Variants in MAPK9 observed in about 807,000 individuals in gnomAD.
MAPK9 encodes mitogen-activated protein kinase 9, also known as Jun kinase.
A neutral mutation model predicts 57.1 loss-of-function variants in MAPK9; 30 were observed. That is an observed-to-expected ratio of 0.53 (90% CI 0.39 to 0.71). The LOEUF (loss-of-function observed/expected upper bound fraction) is 0.71, where lower values mean the gene tolerates loss of function less well. Among genes scored for constraint, MAPK9 ranks in the 30% least tolerant of loss-of-function variants. MAPK9 has a pLI of 0.00. For missense variants in MAPK9, 362 were observed against 521.0 expected, an observed-to-expected ratio of 0.69 and a Z score of 2.97; for synonymous variants, 155 against 177.0, an observed-to-expected ratio of 0.88 and a Z score of 0.99.
chr5:180,250,391 G>A (rs1350683551), intron 5 of MAPK9, among the ~76,000 whole-genome samples: 2 of 152,170 alleles, frequency 1.3e-5, no homozygotes, highest in African/African-American at 4.8e-5. Flanking sequence ...TTGAGAAACT[G>A]TGACTTGTAA....
intron 1 of MAPK9, among the ~76,000 whole-genome samples, chr5:180,288,094 TAAG>T (rs1235628155): frequency 6.6e-6 from 1 of 152,164 alleles, no homozygotes; most frequent in Non-Finnish European, 1.5e-5. Context: ...TACCTCTAGA[TAAG>T]AAGTGCACAG....
chr5:180,242,350 T>C (rs900237331), intron 8 of MAPK9, among the ~76,000 whole-genome samples: 2 of 152,212 alleles, frequency 1.3e-5, no homozygotes, highest in African/African-American at 4.8e-5. Context: ...TTCAGACTGA[T>C]TTGATTATTT....
intron 1 of MAPK9, among the ~76,000 whole-genome samples, chr5:180,291,245 C>CGGAA (rs1440031716): frequency 1.3e-5 from 2 of 149,344 alleles, no homozygotes; most frequent in Admixed American, 1.3e-4. Flanking sequence ...GCTGGGTCCC[C>CGGAA]TCTGGCACTG....
At chr5:180,288,573 G>A (rs895020791) in intron 1 of MAPK9, among the ~76,000 whole-genome samples, 16 of 152,260 alleles carry the variant, frequency 1.1e-4, no homozygotes, top group African/African-American at 2.6e-4. Context: ...GGTTGTGCCC[G>A]TATGTTTTAC....
chr5:180,236,228 G>T lies in MAPK9; in HGVS notation c.*156C>A. The T allele has an allele frequency of 2.8e-6, 2 of 702,936 alleles. No homozygotes were observed. The highest frequency in any genetic ancestry group is 4.1e-6 in the Non-Finnish European group (2 of 486,768). The allele number at this position is 702,936 out of a possible 1,614,324, so 43.5% of individuals were successfully genotyped here. The stretch of plus-strand genomic sequence containing the variant: ...TATTCTGCCTCATTTTATCATCTAA[G>T]CAGGCAATCCTATCAGGTCTGAGTA... On this transcript the variant is annotated 3_prime_UTR_variant, in exon 12 of 12. Coordinates refer to ENST00000452135, the MANE Select transcript of MAPK9 (RefSeq NM_002752.5).
At chr5:180,268,153 G>A (rs560797476) in intron 3 of MAPK9, among the ~76,000 whole-genome samples, 14 of 152,068 alleles carry the variant, frequency 9.2e-5, no homozygotes, top group South Asian at 2.1e-4. Flanking sequence ...ACATGGCAAC[G>A]TTATCAACAT....
chr5:180,269,423 A>G lies in MAPK9; in HGVS notation c.123-14T>C, dbSNP rs566524342. On this transcript the variant is annotated splice_polypyrimidine_tract_variant and intron_variant, in intron 2 of 11. Transcript: ENST00000452135. ...TCAAATGCAGCACTAGAATTAGGAA[A>G]TATAATGCACAATCCATTAGAACGG... 3.1e-6 allele frequency: 5 copies of G among 1,612,924 alleles called. No homozygotes were observed. In the South Asian group the frequency reaches 5.5e-5, roughly 18 times the overall value.
intron 2 of MAPK9, among the ~76,000 whole-genome samples, chr5:180,273,162 T>C (rs768018654): frequency 1.3e-5 from 2 of 152,230 alleles, no homozygotes; most frequent in Non-Finnish European, 2.9e-5. Context: ...TTTTCCTGTT[T>C]ATAGGTTATT....
In MAPK9 at chr5:180,239,911, G is replaced by A; in HGVS notation, c.1060+13C>T. 6.2e-7 allele frequency: 1 copy of A among 1,609,198 alleles called. No homozygotes were observed. ...ATGTCAAAAGGAAGGATCAAAATAAGCTCCATCTTTACCTTTCCATTCTTC... is the reference window on the plus strand; with the variant it reads ...ATGTCAAAAGGAAGGATCAAAATAAACTCCATCTTTACCTTTCCATTCTTC... On this transcript the variant is annotated intron_variant, in intron 10 of 11. Transcript: ENST00000452135.
At chr5:180,281,723 A>G (rs907896097) in intron 1 of MAPK9, among the ~76,000 whole-genome samples, 2 of 152,224 alleles carry the variant, frequency 1.3e-5, no homozygotes, top group Non-Finnish European at 2.9e-5. Flanking sequence ...AAATGGATTA[A>G]TAACAAGTCT....
At chr5:180,280,027 A>G in intron 2 of MAPK9, 1 of 457,300 alleles carries the variant, frequency 2.2e-6, no homozygotes. Flanking sequence ...AGGCACTGCA[A>G]TGATGGCGCC....
At chr5:180,288,447 C>G (rs565951779) in intron 1 of MAPK9, among the ~76,000 whole-genome samples, 6 of 152,286 alleles carry the variant, frequency 3.9e-5, no homozygotes, top group African/African-American at 1.2e-4. Context: ...TGAATATTGA[C>G]TAGTTATTTG....
At chr5:180,268,328 G>A (rs1760887531) in intron 3 of MAPK9, among the ~76,000 whole-genome samples, 1 of 152,108 alleles carries the variant, frequency 6.6e-6, no homozygotes, top group Admixed American at 6.5e-5. Flanking sequence ...ATTTGAAACT[G>A]GTGTGTCATA....
intron 5 of MAPK9, among the ~76,000 whole-genome samples, chr5:180,259,067 G>C (rs1351576726): frequency 6.6e-6 from 1 of 151,720 alleles, no homozygotes; most frequent in Admixed American, 6.6e-5. Context: ...ACACCTTCAG[G>C]CATTCCAGCT....
Position 180,233,797 on chromosome 5 carries a change from C to T in MAPK9, c.*2587G>A, listed in dbSNP as rs1373356298. The T allele has an allele frequency of 1.3e-5, 2 of 152,224 alleles. No homozygotes were observed. Among genetic ancestry groups the T allele is most frequent in the African/African-American group, 4.8e-5 (2 of 41,450 alleles). 9.4% of individuals were successfully genotyped at this position (152,224 alleles called of 1,614,324 possible). The stretch of plus-strand genomic sequence containing the variant: ...TACGTGGTTATCGCTACTTACACAG[C>T]ATTAAATGCGGGTTGAAGCAGCACC... On this transcript the variant is annotated 3_prime_UTR_variant, in exon 12 of 12. Coordinates refer to ENST00000452135, the MANE Select transcript of MAPK9 (RefSeq NM_002752.5).
chr5:180,267,742 A>G (rs934210586), intron 3 of MAPK9, among the ~76,000 whole-genome samples: 1 of 152,088 alleles, frequency 6.6e-6, no homozygotes, highest in Non-Finnish European at 1.5e-5. Context: ...GCGCACGCCT[A>G]TGGTCCCAGC....
chr5:180,247,832 A>G lies in MAPK9; in HGVS notation c.617-322T>C. 1 of 1,613,528 alleles carries G rather than the reference A, an allele frequency of 6.2e-7. No individual in the cohort carries two copies. The highest frequency in any genetic ancestry group is 8.5e-7 in the Non-Finnish European group (1 of 1,179,510). Reference sequence around the variant, plus strand: ...CCCACCCCAGCCTCCATGGCCAAGTACCGGGTCCCCTGTGAAGGATACAGT... The same window carrying G: ...CCCACCCCAGCCTCCATGGCCAAGTGCCGGGTCCCCTGTGAAGGATACAGT... On this transcript the variant is annotated intron_variant, in intron 6 of 11. Transcript: ENST00000452135. The surrounding 1 kb of genome is among the most constrained non-coding windows in gnomAD (Gnocchi z 4.5).
At position 180,267,733 on chromosome 5, in the gene MAPK9, C is replaced by T. The variant is rs546186666; in HGVS notation, c.252+1547G>A. 7.0e-4 allele frequency among the ~76,000 whole-genome samples: 106 copies of T among 152,168 alleles called. 1 individual carries two copies. Among genetic ancestry groups the T allele is most frequent in the Middle Eastern group, 3.4e-3 (1 of 294 alleles). On this transcript the variant is annotated intron_variant, in intron 3 of 11. Transcript: ENST00000452135. Reference sequence around the variant, plus strand: ...TTTTAAAAACTGCCAAGCATGGTGGCGCACGCCTATGGTCCCAGCTACTTG... The same window carrying T: ...TTTTAAAAACTGCCAAGCATGGTGGTGCACGCCTATGGTCCCAGCTACTTG...
intron 1 of MAPK9, among the ~76,000 whole-genome samples, chr5:180,285,760 T>A (rs1202755563): frequency 8.5e-6 from 1 of 117,718 alleles, no homozygotes; most frequent in Non-Finnish European, 1.9e-5. Flanking sequence ...TTCAACTCTA[T>A]ATTAAACAAT....
Sources: gnomAD v4.1 joint callset for allele counts (sites outside exome capture counted in the v4.1 genomes callset) on GRCh38, gnomAD v4.1.1 for gene constraint, Gnocchi (gnomAD v3.1) non-coding constraint, MANE v1.5 for transcripts, NCBI Gene and HGNC (gene_info 2026-07-23, HGNC 2026-07-21) for gene names.